Variants in EIF3A observed in about 807,000 individuals in gnomAD.
EIF3A encodes EIF3, p180 subunit.
In EIF3A, 21 loss-of-function variants were observed where a neutral mutation model predicts 186.6. The ratio of observed to expected loss-of-function variants is 0.11; its 90% CI spans 0.08 to 0.16. The LOEUF (loss-of-function observed/expected upper bound fraction) is 0.16. Ranked by LOEUF, EIF3A falls within the 10% of genes least tolerant of loss-of-function variation. The pLI, the probability that EIF3A is intolerant of heterozygous loss-of-function variation, is 1.00. For synonymous variants in EIF3A, 563 were observed against 584.3 expected, an observed-to-expected ratio of 0.96 and a Z score of 0.52; for missense variants, 1,306 against 1,796.3, an observed-to-expected ratio of 0.73 and a Z score of 4.93.
At chr10:119,073,983 G>GC in intron 1 of EIF3A, 46 bp from the exon 2 acceptor site, 1 of 1,447,638 alleles carries the variant, frequency 6.9e-7, no homozygotes, top group Non-Finnish European at 9.2e-7. Context: ...CACTATACAA[G>GC]AGTCTAAACT....
intron 1 of EIF3A, among the ~76,000 whole-genome samples, chr10:119,077,813 A>G (rs1229033613): frequency 6.6e-6 from 1 of 152,104 alleles, no homozygotes; most frequent in East Asian, 1.9e-4. Context: ...TCGGCCTCCC[A>G]AAGTGCTGGG....
At chr10:119,059,468 C>A in intron 10 of EIF3A, 71 bp from the exon 11 acceptor site, 1 of 1,317,314 alleles carries the variant, frequency 7.6e-7, no homozygotes, top group South Asian at 1.4e-5. Flanking sequence ...AGAAGAATGT[C>A]ATATACAAAA....
chr10:119,048,040 T>C (rs766214674), intron 17 of EIF3A, among the ~76,000 whole-genome samples: 10 of 151,890 alleles, frequency 6.6e-5, no homozygotes, highest in Non-Finnish European at 1.0e-4. Flanking sequence ...TGCTCCCCAA[T>C]GGCTACAGCA....
At chr10:119,037,987 G>A (rs895974694) in intron 20 of EIF3A, among the ~76,000 whole-genome samples, 1 of 145,634 alleles carries the variant, frequency 6.9e-6, no homozygotes, top group African/African-American at 2.5e-5. Context: ...CGCTATCTCG[G>A]CTCACCACAA....
Position 119,050,676 on chromosome 10 carries a change from T to A in EIF3A, c.2320-2A>T. On this transcript the variant is annotated splice_acceptor_variant, in intron 15 of 21. Coordinates refer to ENST00000369144, the MANE Select transcript of EIF3A (RefSeq NM_003750.4). LOFTEE classifies it high-confidence loss of function. ...CTCTTCAAACTGTTTAAGTTTTTCCTGCAATCGAAGTAACCCCCAACCCAA... is the reference window on the plus strand; with the variant it reads ...CTCTTCAAACTGTTTAAGTTTTTCCAGCAATCGAAGTAACCCCCAACCCAA... The A allele has an allele frequency of 6.2e-7, 1 of 1,613,896 alleles. No individual in the cohort carries two copies. The highest frequency in any genetic ancestry group is 8.5e-7 in the Non-Finnish European group (1 of 1,180,014).
intron 4 of EIF3A, among the ~76,000 whole-genome samples, chr10:119,071,894 G>A (rs1035082148): frequency 7.9e-5 from 12 of 151,886 alleles, no homozygotes; most frequent in East Asian, 7.8e-4. Context: ...GCATGGCAGC[G>A]TGCGCCTGTA....
intron 4 of EIF3A, among the ~76,000 whole-genome samples, chr10:119,072,211 A>T (rs981764472): frequency 4.2e-5 from 6 of 141,414 alleles, no homozygotes; most frequent in Non-Finnish European, 9.2e-5. Flanking sequence ...ATAAATTAAA[A>T]AAAAAAAAAA....
intron 14 of EIF3A, among the ~76,000 whole-genome samples, chr10:119,053,977 G>A (rs1848392347): frequency 6.6e-6 from 1 of 152,194 alleles, no homozygotes; most frequent in African/African-American, 2.4e-5. Context: ...GTGGAGTGCA[G>A]TGGCGCAATC....
At chr10:119,076,463 C>A (rs1478108399) in intron 1 of EIF3A, among the ~76,000 whole-genome samples, 2 of 150,080 alleles carry the variant, frequency 1.3e-5, no homozygotes, top group East Asian at 3.9e-4. Context: ...AAAAGTCCAT[C>A]TTTCGCTGAC....
At chr10:119,054,903 C>T (rs555726583) in intron 14 of EIF3A, among the ~76,000 whole-genome samples, 10 of 152,010 alleles carry the variant, frequency 6.6e-5, no homozygotes, top group South Asian at 2.1e-4. Flanking sequence ...TGTTAATTAG[C>T]CTAATTTCAA....
chr10:119,051,448 G>A (rs1371986638), intron 14 of EIF3A, 127 bp from the exon 15 acceptor site: 1 of 942,220 alleles, frequency 1.1e-6, no homozygotes, highest in African/African-American at 1.7e-5. Context: ...CCATAAAAAT[G>A]AAAACGTTAA....
rs147375280 is a variant in EIF3A, at chr10:119,052,878, T to G, written c.2197-1557A>C. On this transcript the variant is annotated intron_variant, in intron 14 of 21. Transcript: ENST00000369144. ...AATTCCTTCCAGCAGGTTTTCAACG[T>G]ACTTTGCCCAGATCCACCAAAGGAA... 5.4e-3 allele frequency among the ~76,000 whole-genome samples: 829 copies of G among 152,342 alleles called. 8 individuals carry two copies. The highest frequency in any genetic ancestry group is 0.019 in the African/African-American group (771 of 41,576).
rs772781682 is a variant in EIF3A, at chr10:119,073,522, T to A, written c.296A>T (p.Glu99Val). 1 of 1,611,872 alleles carries A rather than the reference T, an allele frequency of 6.2e-7. No individual in the cohort carries two copies. Among genetic ancestry groups the A allele is most frequent in the Non-Finnish European group, 8.5e-7 (1 of 1,178,132 alleles). ...TTCTTCTTTAGCAGCTTCAGTTTTT[T>A]CCTCTGCCATTTTCAAATATGCCCT... ...VVRAYLKMAE[E>V]KTEAAKEESQ... The change falls in exon 3 of 22, where the codon GAA (glutamate) becomes GTA (valine). Residue 99 changes from glutamate (E) to valine (V), a missense_variant. Glu to Val is a moderately radical substitution (Grantham distance 121). This residue lies in a region of EIF3A where 130 missense variants were observed against 259.3 expected (regional missense o/e 0.50). Transcript: ENST00000369144.
intron 1 of EIF3A, among the ~76,000 whole-genome samples, chr10:119,078,104 C>G (rs1678957570): frequency 6.6e-6 from 1 of 152,162 alleles, no homozygotes; most frequent in African/African-American, 2.4e-5. Context: ...ATTTGTGCAA[C>G]AGACCAAATG....
chr10:119,042,892 C>T lies in EIF3A; in HGVS notation c.2748-120G>A, dbSNP rs1405190669. On this transcript the variant is annotated intron_variant, in intron 18 of 21. Transcript: ENST00000369144. The surrounding 1 kb of genome is among the most constrained non-coding windows in gnomAD (Gnocchi z 7.8). ...GTATGGGCCGGAGCAGTGGCTCGCACCTTTAATCCCAGCACTCTGGGAAGC... is the reference window on the plus strand; with the variant it reads ...GTATGGGCCGGAGCAGTGGCTCGCATCTTTAATCCCAGCACTCTGGGAAGC... The T allele has an allele frequency of 2.9e-6, 3 of 1,033,724 alleles. No homozygotes were observed. The highest frequency in any genetic ancestry group is 3.2e-5 in the African/African-American group (2 of 61,702). 64.0% of individuals were successfully genotyped at this position (1,033,724 alleles called of 1,614,324 possible).
rs1217036433 is a variant in EIF3A at position 119,033,892 on chromosome 10, G to T, written c.*2147C>A. ...TTGGTTAAAAAAAAAAAAAAACACA[G>T]GCAGTTCTTTACATAAAAACGTCCC... On this transcript the variant is annotated 3_prime_UTR_variant, in exon 22 of 22. Transcript: ENST00000369144. 1 of 166,380 alleles carries T rather than the reference G, an allele frequency of 6.0e-6. No individual in the cohort carries two copies. The highest frequency in any genetic ancestry group is 6.6e-5 in the Admixed American group (1 of 15,226). 10.3% of individuals were successfully genotyped at this position (166,380 alleles called of 1,614,324 possible). A position where few individuals can be genotyped will look rare whatever the true frequency, so the allele number is the denominator to read the frequency against.
At chr10:119,080,352 C>T (rs535816150) in intron 1 of EIF3A, 1 of 985,458 alleles carries the variant, frequency 1.0e-6, no homozygotes, top group Admixed American at 6.1e-5. Context: ...TAGGGGCTGT[C>T]TCCCGGGCTG....
rs1848120445 is a variant in EIF3A at position 119,035,857 on chromosome 10, C to G, written c.*182G>C. The G allele has an allele frequency of 4.1e-6, 2 of 482,068 alleles. No individual in the cohort carries two copies. The highest frequency in any genetic ancestry group is 7.3e-6 in the Non-Finnish European group (2 of 273,668). The allele number at this position is 482,068 out of a possible 1,614,324, so 29.9% of individuals were successfully genotyped here. ...CCAGAAAATGGCATGGTTTTTCCAA[C>G]CTCCTGTGGATATGGTGCATGATCA... On this transcript the variant is annotated 3_prime_UTR_variant, in exon 22 of 22. Transcript: ENST00000369144.
chr10:119,061,495 T>C (rs1843887377), intron 7 of EIF3A, among the ~76,000 whole-genome samples, 167 bp from the exon 8 acceptor site: 1 of 152,030 alleles, frequency 6.6e-6, no homozygotes, highest in Non-Finnish European at 1.5e-5. Flanking sequence ...ACAACTATGC[T>C]GGGTCTTTTG....
Sources: allele counts gnomAD v4.1 joint callset (sites outside exome capture counted in the v4.1 genomes callset), GRCh38; gene constraint gnomAD v4.1.1; regional missense constraint gnomAD v4.1.1; non-coding constraint Gnocchi (gnomAD v3.1); transcripts MANE v1.5; gene names NCBI Gene and HGNC (gene_info 2026-07-23, HGNC 2026-07-21).